CNTN6: variants seen among roughly 807,000 people sequenced by gnomAD.
The protein encoded by CNTN6 is contactin 6.
CNTN6 carries 137 observed loss-of-function variants against 122.8 expected under a neutral mutation model. The ratio of observed to expected loss-of-function variants is 1.12; its 90% CI spans 0.97 to 1.29. The LOEUF (loss-of-function observed/expected upper bound fraction) is 1.29, where lower values mean the gene tolerates loss of function less well. Ranked by LOEUF, CNTN6 falls within the 50% of genes most tolerant of loss-of-function variation. The pLI, the probability that CNTN6 is intolerant of heterozygous loss-of-function variation, is 0.00. For synonymous variants in CNTN6, 570 were observed against 426.0 expected (o/e 1.34, Z -4.16); for missense variants, 1,634 against 1,223.4 (o/e 1.34, Z -5.01).
chr3:1,344,965 C>T (rs1033488353), intron 11 of CNTN6, among the ~76,000 whole-genome samples: 3 of 152,074 alleles, frequency 2.0e-5, no homozygotes, highest in African/African-American at 4.8e-5. Context: ...TTCACTTCAT[C>T]TCTGTCTCTT....
chr3:1,363,112 C>T (rs988436279), intron 12 of CNTN6, among the ~76,000 whole-genome samples: 1 of 151,778 alleles, frequency 6.6e-6, no homozygotes, highest in Non-Finnish European at 1.5e-5. Flanking sequence ...ATAAAAATTT[C>T]ATATATTTAA....
intron 12 of CNTN6, among the ~76,000 whole-genome samples, chr3:1,361,669 G>C (rs1487858243): frequency 6.6e-6 from 1 of 151,914 alleles, no homozygotes; most frequent in Admixed American, 6.6e-5. Flanking sequence ...AATAATAAAG[G>C]AGAATAATCT....
rs150716105 is a variant in CNTN6 at position 1,179,252 on chromosome 3, T to C, written c.55+31189T>C. On this transcript the variant is annotated intron_variant, in intron 2 of 22. Coordinates refer to ENST00000446702, the MANE Select transcript of CNTN6 (RefSeq NM_001289080.2). ...AGGGATCTGCCCTCAGGACCCAAAC[T>C]ATTCCCACTAGGCCCACTTCCAACA... is the stretch of plus-strand genomic sequence containing the variant. 5.3e-5 allele frequency among the ~76,000 whole-genome samples: 8 copies of C among 152,204 alleles called. No individual in the cohort carries two copies. The East Asian group carries it at 1.5e-3, about 29-fold the overall frequency.
chr3:1,315,641 C>T (rs1171551855), intron 7 of CNTN6, among the ~76,000 whole-genome samples: 1 of 151,962 alleles, frequency 6.6e-6, no homozygotes, highest in African/African-American at 2.4e-5. Context: ...TTTTCCTATA[C>T]CATTTCCTTC....
chr3:1,267,038 C>T (rs1559654354), intron 4 of CNTN6, among the ~76,000 whole-genome samples: 1 of 149,796 alleles, frequency 6.7e-6, no homozygotes. Flanking sequence ...GCCTCAGCCT[C>T]CCAGGTAGCT....
intron 5 of CNTN6, among the ~76,000 whole-genome samples, chr3:1,280,787 G>T (rs1439865973): frequency 6.6e-6 from 1 of 152,042 alleles, no homozygotes; most frequent in Admixed American, 6.5e-5. Flanking sequence ...TATGTTACAA[G>T]TAGCATCTCA....
intron 19 of CNTN6, among the ~76,000 whole-genome samples, chr3:1,384,796 T>TATATATATATATATATATATAC (rs1224742660): frequency 1.5e-5 from 2 of 133,802 alleles, no homozygotes; most frequent in African/African-American, 2.8e-5. Context: ...TATATATATA[T>TATATATATATATATATATATAC]ACACACACAC....
rs930089753 is a variant in CNTN6 at position 1,190,310 on chromosome 3, C to G, written c.56-30377C>G. On this transcript the variant is annotated intron_variant, in intron 2 of 22. Transcript: ENST00000446702. ...TCCCCACCTCCAAATACCGTCACAT[C>G]GGGGGTTAGGAATTCAACAAATACA... Among the ~76,000 whole-genome samples, 6 of 152,144 alleles carry G rather than the reference C, an allele frequency of 3.9e-5. No individual in the cohort carries two copies. The South Asian group carries it at 1.2e-3, about 31-fold the overall frequency.
chr3:1,264,422 A>C (rs370816176), intron 4 of CNTN6, among the ~76,000 whole-genome samples: 9 of 152,170 alleles, frequency 5.9e-5, no homozygotes, highest in East Asian at 3.9e-4. Context: ...GAATCAGCCA[A>C]CATGTCCTGA....
At chr3:1,171,010 G>A (rs1370054384) in intron 2 of CNTN6, among the ~76,000 whole-genome samples, 2 of 152,222 alleles carry the variant, frequency 1.3e-5, no homozygotes, top group Admixed American at 6.5e-5. Flanking sequence ...GGTAGGGGTA[G>A]TGCCAATAGT....
chr3:1,402,400 A>C lies in CNTN6; in HGVS notation c.2900A>C (p.Glu967Ala). 1 of 1,612,504 alleles carries C rather than the reference A, an allele frequency of 6.2e-7. No homozygotes were observed. Among genetic ancestry groups the C allele is most frequent in the Non-Finnish European group, 8.5e-7 (1 of 1,179,004 alleles). The change falls in exon 22 of 23, where the codon GAA (glutamate) becomes GCA (alanine). Residue 967 changes from glutamate (E) to alanine (A), a missense_variant. Coordinates refer to ENST00000446702, the MANE Select transcript of CNTN6 (RefSeq NM_001289080.2). ...NTSAELLVPF[E>A]EDYLIEIRTV... ...TCAGCTGAGCTTCTGGTTCCATTTG[A>C]AGAAGACTACTTAATTGAAATAAGA...
chr3:1,250,868 C>T (rs972555308), intron 4 of CNTN6, among the ~76,000 whole-genome samples: 4 of 152,088 alleles, frequency 2.6e-5, no homozygotes, highest in Non-Finnish European at 2.9e-5. Flanking sequence ...CCCCTCTTAC[C>T]ACAGGTCTGT....
chr3:1,170,128 C>A (rs1246635452), intron 2 of CNTN6, among the ~76,000 whole-genome samples: 1 of 147,334 alleles, frequency 6.8e-6, no homozygotes, highest in African/African-American at 2.5e-5. Context: ...CCCCAGCTAC[C>A]TAGGAGGCTG....
chr3:1,172,961 TG>T (rs2093385315), intron 2 of CNTN6, among the ~76,000 whole-genome samples: 1 of 152,204 alleles, frequency 6.6e-6, no homozygotes, highest in African/African-American at 2.4e-5. Context: ...GTCTTCCTAC[TG>T]GAAGATCTTT....
intron 2 of CNTN6, among the ~76,000 whole-genome samples, chr3:1,165,281 C>A (rs184973418): frequency 3.3e-5 from 5 of 152,096 alleles, no homozygotes; most frequent in African/African-American, 1.2e-4. Context: ...TAGGCTGTTG[C>A]GGAAGACTCT....
At chr3:1,206,956 G>C (rs2093966168) in intron 2 of CNTN6, among the ~76,000 whole-genome samples, 1 of 152,062 alleles carries the variant, frequency 6.6e-6, no homozygotes, top group Non-Finnish European at 1.5e-5. Context: ...ATCTTTAGTT[G>C]TTGCTGTGTC....
intron 1 of CNTN6, among the ~76,000 whole-genome samples, chr3:1,102,655 G>A (rs1431362903): frequency 2.0e-5 from 3 of 150,110 alleles, no homozygotes; most frequent in South Asian, 2.1e-4. Flanking sequence ...GGGAACCCGG[G>A]GGGCGGAGCT....
intron 19 of CNTN6, among the ~76,000 whole-genome samples, chr3:1,384,514 CAAAGT>C (rs976129262): frequency 7.6e-5 from 11 of 145,192 alleles, no homozygotes; most frequent in African/African-American, 3.1e-4. Flanking sequence ...CTTCATCTCA[CAAAGT>C]AAAGAGACAA....
chr3:1,095,274 C>A (rs1470355303), intron 1 of CNTN6, among the ~76,000 whole-genome samples: 1 of 152,008 alleles, frequency 6.6e-6, no homozygotes, highest in Admixed American at 6.6e-5. Context: ...AGATTGAGAC[C>A]ATCCTGGCCA....
Sources: allele counts gnomAD v4.1 joint callset (sites outside exome capture counted in the v4.1 genomes callset), GRCh38; gene constraint gnomAD v4.1.1; transcripts MANE v1.5; gene names NCBI Gene and HGNC (gene_info 2026-07-23, HGNC 2026-07-21).